DNAJC5: variants seen among roughly 807,000 people sequenced by gnomAD.
The protein encoded by DNAJC5 is dnaJ homolog subfamily C member 5.
DNAJC5 carries 1 observed loss-of-function variant against 23.2 expected under a neutral mutation model. That is an observed-to-expected ratio of 0.04 (90% CI 0.02 to 0.20). The LOEUF (loss-of-function observed/expected upper bound fraction) is 0.20. DNAJC5 is among the 10% of genes least tolerant of loss of function. The pLI, the probability that DNAJC5 is intolerant of heterozygous loss-of-function variation, is 1.00. For synonymous variants in DNAJC5, 136 were observed against 120.0 expected, an observed-to-expected ratio of 1.13 and a Z score of -0.87; for missense variants, 180 against 267.0, an observed-to-expected ratio of 0.67 and a Z score of 2.27.
chr20:63,907,461 A>G (rs867727742), intron 1 of DNAJC5, among the ~76,000 whole-genome samples: 17 of 152,190 alleles, frequency 1.1e-4, no homozygotes, highest in Middle Eastern at 3.2e-3. Context: ...TTTAATGCCC[A>G]TTCGACAAAG....
At chr20:63,899,119 C>T (rs1055284588) in intron 1 of DNAJC5, among the ~76,000 whole-genome samples, 18 of 152,288 alleles carry the variant, frequency 1.2e-4, no homozygotes, top group African/African-American at 4.1e-4. Context: ...GGTGCTTCCC[C>T]TGCGTCCTGC....
In DNAJC5 at chr20:63,902,448, A is replaced by C. The variant is rs963959807; in HGVS notation, c.-12+7125A>C. Among the ~76,000 whole-genome samples, 59 of 137,652 alleles carry C rather than the reference A, an allele frequency of 4.3e-4. 1 individual carries two copies. Among genetic ancestry groups the C allele is most frequent in the African/African-American group, 1.6e-3 (58 of 35,668 alleles). The allele number at this position is 137,652 out of a possible 152,430, so 90.3% of individuals were successfully genotyped here. Reference sequence around the variant, plus strand: ...CAACGGTGTGATCTTGGCTCACCGCAACCTCTGCCTTCTGGGTTCAAGTGA... The same window carrying C: ...CAACGGTGTGATCTTGGCTCACCGCCACCTCTGCCTTCTGGGTTCAAGTGA... On this transcript the variant is annotated intron_variant, in intron 1 of 4. Coordinates refer to ENST00000360864, the MANE Select transcript of DNAJC5 (RefSeq NM_025219.3).
intron 1 of DNAJC5, among the ~76,000 whole-genome samples, chr20:63,927,769 T>A (rs2053628651): frequency 6.6e-6 from 1 of 152,260 alleles, no homozygotes; most frequent in Non-Finnish European, 1.5e-5. Flanking sequence ...TAACATTGAA[T>A]TTAATTGTTG....
chr20:63,899,739 G>T (rs993909871), intron 1 of DNAJC5, among the ~76,000 whole-genome samples: 4 of 150,930 alleles, frequency 2.7e-5, no homozygotes, highest in African/African-American at 9.8e-5. Flanking sequence ...TCGCCACCAC[G>T]CCAGGCTAAT....
intron 1 of DNAJC5, among the ~76,000 whole-genome samples, chr20:63,914,725 T>TCTGCTTCAGC: frequency 6.6e-6 from 1 of 151,876 alleles, no homozygotes; most frequent in East Asian, 1.9e-4. Context: ...AAACGATTCT[T>TCTGCTTCAGC]CTGCTTCAGC....
At chr20:63,916,154 G>C (rs1405519726) in intron 1 of DNAJC5, among the ~76,000 whole-genome samples, 1 of 152,162 alleles carries the variant, frequency 6.6e-6, no homozygotes, top group Non-Finnish European at 1.5e-5. Flanking sequence ...TGCCGTGTTG[G>C]TCAGGCTGGT....
At chr20:63,917,086 A>T (rs2053519915) in intron 1 of DNAJC5, among the ~76,000 whole-genome samples, 1 of 152,228 alleles carries the variant, frequency 6.6e-6, no homozygotes, top group Non-Finnish European at 1.5e-5. Flanking sequence ...AACAGGATTA[A>T]GAGATTAAAG....
At chr20:63,921,116 C>T (rs752803257) in intron 1 of DNAJC5, among the ~76,000 whole-genome samples, 2 of 152,062 alleles carry the variant, frequency 1.3e-5, no homozygotes, top group African/African-American at 2.4e-5. Flanking sequence ...TGTGCCATCA[C>T]GCCCGGCTAA....
In DNAJC5 at chr20:63,920,468, A is replaced by G. The variant is rs2053560482; in HGVS notation, c.-11-7867A>G. On this transcript the variant is annotated intron_variant, in intron 1 of 4. Coordinates refer to ENST00000360864, the MANE Select transcript of DNAJC5 (RefSeq NM_025219.3). This position sits in a 1 kb window ranked among gnomAD's most constrained non-coding sequence, Gnocchi z 4.6. ...GCCTCAGGCTACAGCCAGGGCTGTG[A>G]AGGAGCCGAGGTCATAGAGTGGCTG... Among the ~76,000 whole-genome samples the G allele has an allele frequency of 6.6e-6, 1 of 152,156 alleles. No individual in the cohort carries two copies. The highest frequency in any genetic ancestry group is 6.5e-5 in the Admixed American group (1 of 15,276).
chr20:63,902,930 G>A (rs934805327), intron 1 of DNAJC5, among the ~76,000 whole-genome samples: 1 of 151,946 alleles, frequency 6.6e-6, no homozygotes, highest in Non-Finnish European at 1.5e-5. Context: ...GCCCACCTCG[G>A]CCTCCCAAAG....
intron 1 of DNAJC5, among the ~76,000 whole-genome samples, chr20:63,923,608 C>T (rs1368224995): frequency 6.6e-6 from 1 of 151,706 alleles, no homozygotes; most frequent in Non-Finnish European, 1.5e-5. Flanking sequence ...ACCTGTAGTC[C>T]CAGCTACTCA....
rs1014877702 is a variant in DNAJC5 at position 63,920,953 on chromosome 20, CT to C, written c.-11-7374del. ...CCTCAGCCTCCCAAAGCCTTGTTTGCTTTTTTTTATTTTGTTTTGTTTTGAG... is the reference window on the plus strand; with the variant it reads ...CCTCAGCCTCCCAAAGCCTTGTTTGCTTTTTTTATTTTGTTTTGTTTTGAG... On this transcript the variant is annotated intron_variant, in intron 1 of 4. Coordinates refer to ENST00000360864, the MANE Select transcript of DNAJC5 (RefSeq NM_025219.3). This position sits in a 1 kb window ranked among gnomAD's most constrained non-coding sequence, Gnocchi z 4.6. 2.0e-3 allele frequency among the ~76,000 whole-genome samples: 300 copies of C among 151,330 alleles called. 2 individuals carry two copies. The highest frequency in any genetic ancestry group is 6.9e-3 in the African/African-American group (284 of 41,272).
intron 1 of DNAJC5, among the ~76,000 whole-genome samples, chr20:63,918,085 C>T (rs536474721): frequency 1.8e-4 from 28 of 152,362 alleles, no homozygotes; most frequent in African/African-American, 6.5e-4. Flanking sequence ...AAGCTGAGAA[C>T]AGCCCAGATG....
rs758965761 is a variant in DNAJC5, at chr20:63,931,060, G to A, written c.493+38G>A. The A allele has an allele frequency of 2.1e-5, 34 of 1,601,988 alleles. 1 individual carries two copies. The highest frequency in any genetic ancestry group is 1.7e-4 in the Middle Eastern group (1 of 6,034). ...CCCAGGGCCCGTGTGTGTGTGTGGG[G>A]CAGAGCCAGAATGGGCCCTGAATGG... On this transcript the variant is annotated intron_variant, in intron 4 of 4. Transcript: ENST00000360864. This position sits in a 1 kb window ranked among gnomAD's most constrained non-coding sequence, Gnocchi z 9.6.
rs541071075 is a variant in DNAJC5, at chr20:63,909,765, G to GT, written c.-12+14443dup. 8.1e-4 allele frequency among the ~76,000 whole-genome samples: 123 copies of GT among 152,360 alleles called. 2 individuals carry two copies. The highest frequency in any genetic ancestry group is 6.8e-3 in the South Asian group (33 of 4,830). The stretch of plus-strand genomic sequence containing the variant: ...TTGCTGGTTTTATGCCTTTTCTTCC[G>GT]TGATAGGAAGTATGTCCAGACTCAT... On this transcript the variant is annotated intron_variant, in intron 1 of 4. Transcript: ENST00000360864.
At position 63,931,555 on chromosome 20, in the gene DNAJC5, A is replaced by T; in HGVS notation, c.584A>T (p.Asp195Val). 6.4e-7 allele frequency: 1 copy of T among 1,573,140 alleles called. No homozygotes were observed. The highest frequency in any genetic ancestry group is 8.6e-7 in the Non-Finnish European group (1 of 1,163,562). The change falls in exon 5 of 5, where the codon GAC becomes GTC. Residue 195 changes from aspartate to valine, a missense_variant. Around this residue, in one of 3 missense-constraint regions of DNAJC5, gnomAD observed 97 missense variants for 123.4 expected, o/e 0.79. Transcript: ENST00000360864. This position sits in a 1 kb window ranked among gnomAD's most constrained non-coding sequence, Gnocchi z 9.6. ...TADSHPSYHT[D>V]GFN ...GACTCCCACCCCAGCTACCACACTG[A>T]CGGGTTCAACTAAATCCAGGAGGAG...
intron 1 of DNAJC5, among the ~76,000 whole-genome samples, chr20:63,897,936 G>A (rs1045996696): frequency 3.3e-5 from 5 of 152,170 alleles, no homozygotes; most frequent in Non-Finnish European, 5.9e-5. Context: ...TTGTATTAAC[G>A]TGGTTCAGAG....
chr20:63,923,297 C>T (rs2053586481), intron 1 of DNAJC5, among the ~76,000 whole-genome samples: 3 of 151,780 alleles, frequency 2.0e-5, no homozygotes, highest in Non-Finnish European at 4.4e-5. Flanking sequence ...TTAAAGTTAG[C>T]TGGGCATGGT....
At position 63,920,886 on chromosome 20, in the gene DNAJC5, A is replaced by G. The variant is rs1324691147; in HGVS notation, c.-11-7449A>G. Reference sequence around the variant, plus strand: ...GAGACAGGTTTTCTCCATGTTGGTCAGGCTGGTCTCGAACTCCTGGCCACA... The same window carrying G: ...GAGACAGGTTTTCTCCATGTTGGTCGGGCTGGTCTCGAACTCCTGGCCACA... On this transcript the variant is annotated intron_variant, in intron 1 of 4. Transcript: ENST00000360864. The surrounding 1 kb of genome is among the most constrained non-coding windows in gnomAD (Gnocchi z 4.6). Among the ~76,000 whole-genome samples, 1 of 152,106 alleles carries G rather than the reference A, an allele frequency of 6.6e-6. No homozygotes were observed. Among genetic ancestry groups the G allele is most frequent in the Non-Finnish European group, 1.5e-5 (1 of 68,032 alleles).
Sources: allele counts gnomAD v4.1 joint callset (sites outside exome capture counted in the v4.1 genomes callset), GRCh38; gene constraint gnomAD v4.1.1; regional missense constraint gnomAD v4.1.1; non-coding constraint Gnocchi (gnomAD v3.1); transcripts MANE v1.5; gene names NCBI Gene and HGNC (gene_info 2026-07-23, HGNC 2026-07-21).